Variants in WWC2 observed in about 807,000 individuals in gnomAD.
WWC2 encodes WW and C2 domain containing 2.
Under a neutral mutation model 138.5 loss-of-function variants are expected in WWC2, and 101 were observed. The observed-to-expected ratio is 0.73, with a 90% CI of 0.62 to 0.86. WWC2 has a LOEUF of 0.86. Ranked by LOEUF, WWC2 falls within the 40% of genes least tolerant of loss-of-function variation. The pLI, the probability that WWC2 is intolerant of heterozygous loss-of-function variation, is 0.00. For synonymous variants in WWC2, 558 were observed against 538.4 expected (o/e 1.04, Z -0.50); for missense variants, 1,420 against 1,419.4 (o/e 1.00, Z -0.01).
intron 14 of WWC2, among the ~76,000 whole-genome samples, chr4:183,268,050 C>T (rs191963209): frequency 6.6e-6 from 1 of 152,234 alleles, no homozygotes; most frequent in East Asian, 1.9e-4. Flanking sequence ...GGCTTCAGGC[C>T]CACTAGGTTT....
chr4:183,217,037 A>T (rs1735779731), intron 4 of WWC2, among the ~76,000 whole-genome samples: 1 of 152,222 alleles, frequency 6.6e-6, no homozygotes, highest in African/African-American at 2.4e-5. Context: ...TAGTGGGACC[A>T]AATTAGTCTG....
chr4:183,243,788 T>C (rs7691095), intron 5 of WWC2, among the ~76,000 whole-genome samples: 3,501 of 145,396 alleles, frequency 0.024, 142 homozygotes, highest in African/African-American at 0.084. Context: ...TGTGTGTGTG[T>C]GTGCATGTGT....
At chr4:183,179,109 A>G (rs1257718162) in intron 1 of WWC2, among the ~76,000 whole-genome samples, 1 of 152,202 alleles carries the variant, frequency 6.6e-6, no homozygotes, top group Non-Finnish European at 1.5e-5. Context: ...AAAGCCTCAT[A>G]AATTATATTG....
intron 1 of WWC2, among the ~76,000 whole-genome samples, chr4:183,179,620 G>C (rs1734565516): frequency 2.0e-5 from 3 of 152,132 alleles, no homozygotes. Context: ...GTGAGCATCT[G>C]GGTTGATGAT....
intron 5 of WWC2, 150 bp from the exon 6 acceptor site, chr4:183,245,266 G>A: frequency 2.8e-6 from 1 of 362,512 alleles, no homozygotes; most frequent in Non-Finnish European, 4.5e-6. Context: ...GAAAGGAGGA[G>A]AAACTGCCTG....
At chr4:183,124,451 T>C (rs1050871182) in intron 1 of WWC2, among the ~76,000 whole-genome samples, 8 of 151,950 alleles carry the variant, frequency 5.3e-5, no homozygotes, top group East Asian at 1.9e-4. Flanking sequence ...CTTGGACTTA[T>C]TGATACAAAT....
chr4:183,169,158 A>T (rs563632100), intron 1 of WWC2, among the ~76,000 whole-genome samples: 5 of 152,368 alleles, frequency 3.3e-5, no homozygotes, highest in Admixed American at 6.5e-5. Context: ...TCTAAAATTT[A>T]TATGTGCATA....
chr4:183,265,044 C>A lies in WWC2; in HGVS notation c.1976C>A (p.Ser659Ter). 3.7e-6 allele frequency: 6 copies of A among 1,613,518 alleles called. No individual in the cohort carries two copies. Among genetic ancestry groups the A allele is most frequent in the Non-Finnish European group, 5.1e-6 (6 of 1,179,628 alleles). Residue 659 changes from serine to a stop codon, truncating the protein, a stop_gained, in exon 12 of 23, where the codon TCG becomes TAG. Coordinates refer to ENST00000403733, the MANE Select transcript of WWC2 (RefSeq NM_024949.6). LOFTEE classifies it high-confidence loss of function. ...CTTGGGGAGAAAACCACTTGTGTGT[C>A]GGCTGCTGTGTCTGATGAGTCTGTG... is the stretch of plus-strand genomic sequence containing the variant. ...HLLGEKTTCV[S>*]AAVSDESVAG...
chr4:183,114,368 C>A (rs1732345000), intron 1 of WWC2, among the ~76,000 whole-genome samples: 1 of 152,150 alleles, frequency 6.6e-6, no homozygotes, highest in Non-Finnish European at 1.5e-5. Context: ...TTATAAATTA[C>A]CCCATTTCAG....
At chr4:183,310,449 T>TA (rs1410687680) in intron 21 of WWC2, among the ~76,000 whole-genome samples, 1 of 152,224 alleles carries the variant, frequency 6.6e-6, no homozygotes, top group Non-Finnish European at 1.5e-5. Flanking sequence ...TAATAATTAT[T>TA]AAACAATTTC....
rs1424027859 is a variant in WWC2, at chr4:183,265,892, G to A, written c.2148G>A (p.Met716Ile). The change falls in exon 14 of 23, where the codon ATG becomes ATA. Residue 716 changes from methionine to isoleucine, a missense_variant. Met to Ile is a conservative substitution (Grantham distance 10, BLOSUM62 1). Coordinates refer to ENST00000403733, the MANE Select transcript of WWC2 (RefSeq NM_024949.6). ...LRYNAKSSSF[M>I]VIIAQLRNLH... Reference sequence around the variant, plus strand: ...ACAATGCAAAAAGTTCAAGTTTCATGGTGATTATAGCACAGCTCCGAAACC... The same window carrying A: ...ACAATGCAAAAAGTTCAAGTTTCATAGTGATTATAGCACAGCTCCGAAACC... 3 of 1,613,320 alleles carry A rather than the reference G, an allele frequency of 1.9e-6. No homozygotes were observed. The highest frequency in any genetic ancestry group is 2.2e-5 in the South Asian group (2 of 90,828).
At chr4:183,298,493 T>C (rs987219742) in intron 21 of WWC2, among the ~76,000 whole-genome samples, 1 of 152,204 alleles carries the variant, frequency 6.6e-6, no homozygotes, top group Non-Finnish European at 1.5e-5. Flanking sequence ...TGAGTGCTTG[T>C]GGTGTCAGAG....
Position 183,208,096 on chromosome 4 carries a change from C to T in WWC2, c.385C>T (p.Leu129=), listed in dbSNP as rs1339895215. 4 of 1,613,708 alleles carry T rather than the reference C, an allele frequency of 2.5e-6. No homozygotes were observed. Among genetic ancestry groups the T allele is most frequent in the East Asian group, 2.2e-5 (1 of 44,890 alleles). The change falls in exon 3 of 23, where the codon CTG becomes TTG. Residue 129 remains leucine (L), a synonymous_variant. Transcript: ENST00000403733. ...GAAGGAGCAGAGGCTGGCGCTGGCC[C>T]TGGATGAATACGTGCGATTAAATGA... ...HVKEQRLALA[L]DEYVRLNDAY...
At chr4:183,224,710 G>A (rs1337033517) in intron 4 of WWC2, among the ~76,000 whole-genome samples, 1 of 152,086 alleles carries the variant, frequency 6.6e-6, no homozygotes, top group Admixed American at 6.6e-5. Context: ...ACAGACATGT[G>A]CCACCACGCC....
At chr4:183,121,387 C>T (rs1200184700) in intron 1 of WWC2, among the ~76,000 whole-genome samples, 1 of 151,650 alleles carries the variant, frequency 6.6e-6, no homozygotes, top group African/African-American at 2.4e-5. Flanking sequence ...TATATACTTC[C>T]CAGTTGAACA....
chr4:183,224,717 C>T (rs376952025), intron 4 of WWC2, among the ~76,000 whole-genome samples: 2 of 152,084 alleles, frequency 1.3e-5, no homozygotes, highest in African/African-American at 2.4e-5. Flanking sequence ...TGTGCCACCA[C>T]GCCTAGCTAA....
chr4:183,299,222 G>A (rs1359383523), intron 21 of WWC2, among the ~76,000 whole-genome samples: 4 of 152,064 alleles, frequency 2.6e-5, no homozygotes, highest in African/African-American at 9.7e-5. Context: ...CCACACATGA[G>A]AGTGGAGCCC....
intron 1 of WWC2, among the ~76,000 whole-genome samples, chr4:183,112,413 C>T (rs1185768354): frequency 6.6e-6 from 1 of 152,230 alleles, no homozygotes; most frequent in Non-Finnish European, 1.5e-5. Context: ...ACACTTAACA[C>T]GGCGGAGGCC....
At chr4:183,193,577 T>C (rs1735048555) in intron 1 of WWC2, 22 bp from the exon 2 acceptor site, 1 of 1,607,358 alleles carries the variant, frequency 6.2e-7, no homozygotes, top group African/African-American at 1.3e-5. Context: ...ATCACTGGTG[T>C]GTCAATTCTG....
Sources: gnomAD v4.1 joint callset for allele counts (sites outside exome capture counted in the v4.1 genomes callset) on GRCh38, gnomAD v4.1.1 for gene constraint, MANE v1.5 for transcripts, NCBI Gene and HGNC (gene_info 2026-07-23, HGNC 2026-07-21) for gene names.